ELOVL5: variants seen among roughly 807,000 people sequenced by gnomAD.
ELOVL5 encodes the protein very long chain fatty acid elongase 5.
Under a neutral mutation model 38.6 loss-of-function variants are expected in ELOVL5, and 8 were observed. That is an observed-to-expected ratio of 0.21 (90% CI 0.12 to 0.37). The LOEUF is 0.37. ELOVL5 is among the 10% of genes least tolerant of loss of function. ELOVL5 has a pLI of 1.00. For missense variants in ELOVL5, 280 were observed against 367.8 expected (o/e 0.76, Z 1.95); for synonymous variants, 127 against 133.7 (o/e 0.95, Z 0.34).
At chr6:53,315,642 CG>C (rs1240966861) in intron 1 of ELOVL5, among the ~76,000 whole-genome samples, 1 of 151,896 alleles carries the variant, frequency 6.6e-6, no homozygotes, top group Non-Finnish European at 1.5e-5. Flanking sequence ...CTTAAATTTC[CG>C]GGGGTTCCAT....
At chr6:53,294,629 G>C (rs1370933228) in intron 2 of ELOVL5, 11 of 1,305,428 alleles carry the variant, frequency 8.4e-6, no homozygotes, top group Non-Finnish European at 1.1e-5. Flanking sequence ...TTTAGAGTTG[G>C]ATTTTTTGTC....
At chr6:53,281,821 T>TG in intron 3 of ELOVL5, among the ~76,000 whole-genome samples, 1 of 98,736 alleles carries the variant, frequency 1.0e-5, no homozygotes, top group Middle Eastern at 5.2e-3. Context: ...CCTCCACAGG[T>TG]GTTTTTTTTT....
At chr6:53,300,532 G>A (rs79879075) in intron 1 of ELOVL5, among the ~76,000 whole-genome samples, 1 of 152,316 alleles carries the variant, frequency 6.6e-6, no homozygotes, top group East Asian at 1.9e-4. Context: ...GGAAAACATA[G>A]AGAAGGCAGC....
rs114161264 is a variant in ELOVL5 at position 53,272,223 on chromosome 6, G to A, written c.621+997C>T. On this transcript the variant is annotated intron_variant, in intron 6 of 7. Transcript: ENST00000304434. ...GTTAATAATGCAAGGACAGGGCAAA[G>A]GGTTTAATGTCCACACCCCTCAGTC... Among the ~76,000 whole-genome samples the A allele has an allele frequency of 4.4e-3, 663 of 152,318 alleles. 8 individuals carry two copies. Among genetic ancestry groups the A allele is most frequent in the African/African-American group, 0.015 (640 of 41,564 alleles).
chr6:53,348,045 C>T (rs1444138686), intron 1 of ELOVL5, among the ~76,000 whole-genome samples: 2 of 151,062 alleles, frequency 1.3e-5, no homozygotes, highest in Non-Finnish European at 3.0e-5. Context: ...GCGCCTCCCT[C>T]GCAGCCAACC....
intron 1 of ELOVL5, among the ~76,000 whole-genome samples, chr6:53,312,923 A>G (rs1196384189): frequency 6.6e-6 from 1 of 152,206 alleles, no homozygotes; most frequent in Non-Finnish European, 1.5e-5. Context: ...AAAGTTTAAG[A>G]CTTTACCTAA....
chr6:53,295,383 A>G (rs1238063365), intron 2 of ELOVL5, among the ~76,000 whole-genome samples: 4 of 152,234 alleles, frequency 2.6e-5, no homozygotes, highest in Non-Finnish European at 5.9e-5. Flanking sequence ...AATGCCACTG[A>G]TAATGGTGAA....
At chr6:53,346,441 T>TTTTATAA (rs1769545578) in intron 1 of ELOVL5, among the ~76,000 whole-genome samples, 1 of 151,970 alleles carries the variant, frequency 6.6e-6, no homozygotes, top group Admixed American at 6.6e-5. Context: ...CTCACAGAGG[T>TTTTATAA]GTTATAAGAA....
At chr6:53,281,401 A>G (rs904834729) in intron 3 of ELOVL5, among the ~76,000 whole-genome samples, 2 of 152,134 alleles carry the variant, frequency 1.3e-5, no homozygotes, top group African/African-American at 4.8e-5. Context: ...TTTAATGAGA[A>G]AACAGGGAAT....
intron 5 of ELOVL5, among the ~76,000 whole-genome samples, chr6:53,274,224 A>G (rs569900361): frequency 4.0e-4 from 55 of 138,122 alleles, no homozygotes; most frequent in African/African-American, 1.6e-3. Context: ...ATCCACCATC[A>G]TGAGCTCTGA....
intron 1 of ELOVL5, among the ~76,000 whole-genome samples, chr6:53,325,656 G>A (rs552258143): frequency 6.6e-6 from 1 of 152,328 alleles, no homozygotes; most frequent in South Asian, 2.1e-4. Flanking sequence ...AGAGGAGGGG[G>A]ACTTCCACTG....
At chr6:53,304,227 T>C (rs1012687188) in intron 1 of ELOVL5, among the ~76,000 whole-genome samples, 2 of 152,200 alleles carry the variant, frequency 1.3e-5, no homozygotes, top group African/African-American at 4.8e-5. Context: ...GACTCCACAA[T>C]GGCAGCATCC....
At chr6:53,292,762 G>A (rs1766822771) in intron 2 of ELOVL5, among the ~76,000 whole-genome samples, 1 of 152,208 alleles carries the variant, frequency 6.6e-6, no homozygotes, top group African/African-American at 2.4e-5. Context: ...CTGCACCCCA[G>A]CGTGGGCAAC....
chr6:53,317,846 A>AT (rs1301558908), intron 1 of ELOVL5, among the ~76,000 whole-genome samples: 5 of 151,644 alleles, frequency 3.3e-5, no homozygotes, highest in Admixed American at 2.6e-4. Context: ...AAAAAAAATA[A>AT]AATAAAATAA....
intron 1 of ELOVL5, among the ~76,000 whole-genome samples, chr6:53,332,397 G>A (rs1768842289): frequency 6.6e-6 from 1 of 152,160 alleles, no homozygotes; most frequent in Non-Finnish European, 1.5e-5. Context: ...GCTCCTCATG[G>A]AGACTTAATT....
rs762433316 is a variant in ELOVL5, at chr6:53,291,979, A to C, written c.59-16T>G. On this transcript the variant is annotated splice_polypyrimidine_tract_variant and intron_variant, in intron 2 of 7. Coordinates refer to ENST00000304434, the MANE Select transcript of ELOVL5 (RefSeq NM_021814.5). ...ACTCTAGTATCTGAAAAATTAAAAA[A>C]AATTAATGATATATAAAAACATTCA... 7.0e-6 allele frequency: 10 copies of C among 1,436,678 alleles called. 1 individual carries two copies. The South Asian group carries it at 1.1e-4, about 16-fold the overall frequency. The allele number at this position is 1,436,678 out of a possible 1,614,324, so 89.0% of individuals were successfully genotyped here.
chr6:53,317,716 G>C (rs1768113456), intron 1 of ELOVL5, among the ~76,000 whole-genome samples: 1 of 151,374 alleles, frequency 6.6e-6, no homozygotes, highest in Non-Finnish European at 1.5e-5. Context: ...AATGGGTGCA[G>C]CATACCAGCA....
intron 1 of ELOVL5, among the ~76,000 whole-genome samples, chr6:53,296,157 A>G (rs1021116607): frequency 3.9e-5 from 6 of 152,108 alleles, no homozygotes; most frequent in African/African-American, 1.2e-4. Context: ...ACTTTTATCA[A>G]TTATTATTTT....
intron 1 of ELOVL5, among the ~76,000 whole-genome samples, chr6:53,341,410 C>T (rs1864249): frequency 0.38 from 57,847 of 152,050 alleles, 12,648 homozygotes; most frequent in African/African-American, 0.61. Context: ...GTGTACAGCA[C>T]AGCAGGGTGG....
Sources: allele counts gnomAD v4.1 joint callset (sites outside exome capture counted in the v4.1 genomes callset), GRCh38; gene constraint gnomAD v4.1.1; transcripts MANE v1.5; gene names NCBI Gene and HGNC (gene_info 2026-07-23, HGNC 2026-07-21).